The following RBFOX1 variants were observed in gnomAD, a reference collection of about 807,000 sequenced individuals.
RBFOX1 encodes RNA binding protein fox-1 homolog 1.
Under a neutral mutation model 57.7 loss-of-function variants are expected in RBFOX1, and 8 were observed. That is an observed-to-expected ratio of 0.14 (90% CI 0.08 to 0.25). The LOEUF is 0.25. Ranked by LOEUF, RBFOX1 falls within the 10% of genes least tolerant of loss-of-function variation. The probability of loss-of-function intolerance (pLI) is 1.00; values close to 1 mark genes in which losing one functional copy is unlikely to be tolerated. For synonymous variants in RBFOX1, 326 were observed against 222.4 expected, an observed-to-expected ratio of 1.47 and a Z score of -4.15; for missense variants, 611 against 548.5, an observed-to-expected ratio of 1.11 and a Z score of -1.14.
chr16:7,200,141 T>C (rs1336083795), intron 4 of RBFOX1, among the ~76,000 whole-genome samples: 4 of 152,228 alleles, frequency 2.6e-5, no homozygotes, highest in African/African-American at 9.6e-5. Context: ...TGAATTGTTC[T>C]GGGCTACAAA....
chr16:7,134,980 T>C (rs1183416259), intron 4 of RBFOX1, among the ~76,000 whole-genome samples: 1 of 152,052 alleles, frequency 6.6e-6, no homozygotes, highest in Non-Finnish European at 1.5e-5. Flanking sequence ...AGATGAATTA[T>C]CCAATCTTTG....
At chr16:6,319,147 G>A (rs1196157504) in intron 2 of RBFOX1, among the ~76,000 whole-genome samples, 2 of 152,116 alleles carry the variant, frequency 1.3e-5, no homozygotes, top group African/African-American at 2.4e-5. Context: ...ATTTTAGCAG[G>A]AGCGATGACC....
chr16:7,528,329 C>G (rs1359856342), intron 5 of RBFOX1, among the ~76,000 whole-genome samples: 1 of 152,160 alleles, frequency 6.6e-6, no homozygotes, highest in Non-Finnish European at 1.5e-5. Flanking sequence ...ACTAAGCAGT[C>G]TCTATCTTTA....
chr16:5,376,283 C>T (rs999521838), intron 1 of RBFOX1, among the ~76,000 whole-genome samples: 1 of 152,088 alleles, frequency 6.6e-6, no homozygotes, highest in African/African-American at 2.4e-5. Context: ...AACTCTGACA[C>T]CCCAGTGCTG....
intron 2 of RBFOX1, among the ~76,000 whole-genome samples, chr16:5,489,079 A>C (rs372095367): frequency 6.6e-6 from 1 of 152,224 alleles, no homozygotes; most frequent in African/African-American, 2.4e-5. Context: ...CAGTCACACC[A>C]CAAGTAAGCA....
intron 3 of RBFOX1, among the ~76,000 whole-genome samples, chr16:6,908,204 G>C (rs1166803997): frequency 6.6e-6 from 1 of 151,674 alleles, no homozygotes; most frequent in Admixed American, 6.6e-5. Context: ...TATTACCTCT[G>C]CTCAGCATTG....
chr16:6,819,365 C>A (rs2154275082), intron 3 of RBFOX1, among the ~76,000 whole-genome samples: 1 of 152,290 alleles, frequency 6.6e-6, no homozygotes, highest in African/African-American at 2.4e-5. Context: ...TGAACACACA[C>A]ACACATCCTT....
intron 1 of RBFOX1, among the ~76,000 whole-genome samples, chr16:6,171,793 T>A (rs2096962509): frequency 6.6e-6 from 1 of 152,038 alleles, no homozygotes; most frequent in Non-Finnish European, 1.5e-5. Context: ...GTGACTTGGC[T>A]GTTTTTATCT....
intron 2 of RBFOX1, among the ~76,000 whole-genome samples, chr16:6,443,567 G>A (rs543067158): frequency 6.6e-6 from 1 of 152,178 alleles, no homozygotes; most frequent in African/African-American, 2.4e-5. Context: ...AGTGTGCTCT[G>A]TAACTTCTCT....
intron 3 of RBFOX1, among the ~76,000 whole-genome samples, chr16:5,672,747 CT>C: frequency 6.6e-6 from 1 of 152,038 alleles, no homozygotes; most frequent in Non-Finnish European, 1.5e-5. Flanking sequence ...GTTGGTTTGC[CT>C]GTAATTTGTG....
chr16:6,220,743 A>C (rs2097367889), intron 1 of RBFOX1, among the ~76,000 whole-genome samples: 1 of 149,718 alleles, frequency 6.7e-6, no homozygotes, highest in South Asian at 2.2e-4. Context: ...GTGGAAAATA[A>C]TGAAGAAAAC....
At chr16:5,778,789 A>G (rs988697659) in intron 3 of RBFOX1, among the ~76,000 whole-genome samples, 1 of 152,104 alleles carries the variant, frequency 6.6e-6, no homozygotes, top group Non-Finnish European at 1.5e-5. Context: ...CCCCTCAGCC[A>G]CTGTGCAAGC....
At chr16:5,607,940 A>G (rs1219104287) in intron 3 of RBFOX1, among the ~76,000 whole-genome samples, 1 of 152,162 alleles carries the variant, frequency 6.6e-6, no homozygotes, top group African/African-American at 2.4e-5. Flanking sequence ...ATGGATGAGC[A>G]TTGGGGTTGT....
In RBFOX1 at chr16:6,113,876, C is replaced by A. The variant is rs138028239; in HGVS notation, c.-127+93884C>A. On this transcript the variant is annotated intron_variant, in intron 1 of 15. Coordinates refer to ENST00000550418, the MANE Select transcript of RBFOX1 (RefSeq NM_018723.4). ...AGGCCGTTCTCCTTTGCTCCCATCC[C>A]AGAGAAACCTGTATCACCACCGGCA... Among the ~76,000 whole-genome samples the A allele has an allele frequency of 3.3e-5, 5 of 152,266 alleles. No individual in the cohort carries two copies. In the East Asian group the frequency reaches 7.7e-4, roughly 23 times the overall value.
In RBFOX1 at chr16:6,260,525, G is replaced by T. The variant is rs117948892; in HGVS notation, c.-126-56470G>T. On this transcript the variant is annotated intron_variant, in intron 1 of 15. Transcript: ENST00000550418. ...ATCAGCCCATAGGTTTTAATTAAAAGCCATTGAGAAATGGCTTTTAATTAA... is the reference window on the plus strand; with the variant it reads ...ATCAGCCCATAGGTTTTAATTAAAATCCATTGAGAAATGGCTTTTAATTAA... Among the ~76,000 whole-genome samples the T allele has an allele frequency of 1.1e-4, 17 of 152,240 alleles. No individual in the cohort carries two copies. The East Asian group carries it at 2.5e-3, about 23-fold the overall frequency.
At chr16:6,588,912 G>A (rs931314270) in intron 2 of RBFOX1, among the ~76,000 whole-genome samples, 14 of 152,110 alleles carry the variant, frequency 9.2e-5, no homozygotes, top group African/African-American at 3.4e-4. Context: ...TGGTCACTGG[G>A]TAACTGACAA....
chr16:7,486,548 G>A (rs1404374358), intron 4 of RBFOX1, among the ~76,000 whole-genome samples: 4 of 152,134 alleles, frequency 2.6e-5, no homozygotes, highest in Admixed American at 1.3e-4. Context: ...CATAATAACA[G>A]CATCTCCCCT....
chr16:6,636,310 A>G (rs2098433002), intron 2 of RBFOX1, among the ~76,000 whole-genome samples: 1 of 152,080 alleles, frequency 6.6e-6, no homozygotes, highest in Admixed American at 6.6e-5. Flanking sequence ...AGCTGGGACT[A>G]GAGGCGCCTG....
At chr16:5,473,386 T>C (rs867913150) in intron 2 of RBFOX1, among the ~76,000 whole-genome samples, 12 of 152,216 alleles carry the variant, frequency 7.9e-5, no homozygotes, top group African/African-American at 2.9e-4. Flanking sequence ...TTAATTACTT[T>C]CTGTACTTAC....
Sources: allele counts gnomAD v4.1 joint callset (sites outside exome capture counted in the v4.1 genomes callset), GRCh38; gene constraint gnomAD v4.1.1; transcripts MANE v1.5; gene names NCBI Gene and HGNC (gene_info 2026-07-23, HGNC 2026-07-21).